Variants in AGTPBP1 observed in about 807,000 individuals in gnomAD.
AGTPBP1 encodes the protein cytosolic carboxypeptidase 1.
In AGTPBP1, 70 loss-of-function variants were observed where a neutral mutation model predicts 143.9. The ratio of observed to expected loss-of-function variants is 0.49; its 90% confidence interval spans 0.40 to 0.59. The LOEUF is 0.59. AGTPBP1 is among the 20% of genes least tolerant of loss of function. The pLI, the probability that AGTPBP1 is intolerant of heterozygous loss-of-function variation, is 0.00. For synonymous variants in AGTPBP1, 463 were observed against 500.2 expected (o/e 0.93, Z 0.99); for missense variants, 1,229 against 1,464.5 (o/e 0.84, Z 2.62).
At chr9:85,657,192 A>AT (rs1396415341) in intron 10 of AGTPBP1, among the ~76,000 whole-genome samples, 2,713 of 148,592 alleles carry the variant, frequency 0.018, 25 homozygotes, top group Middle Eastern at 0.052. Flanking sequence ...AATAAAAAAA[A>AT]AATAATACAA....
At chr9:85,727,055 T>C (rs1235482395) in intron 1 of AGTPBP1, among the ~76,000 whole-genome samples, 1 of 151,984 alleles carries the variant, frequency 6.6e-6, no homozygotes, top group Non-Finnish European at 1.5e-5. Context: ...TTCGGCCGGG[T>C]GTGGTGGCTC....
At chr9:85,563,657 A>G (rs1242668714) in intron 25 of AGTPBP1, among the ~76,000 whole-genome samples, 1 of 152,218 alleles carries the variant, frequency 6.6e-6, no homozygotes, top group Non-Finnish European at 1.5e-5. Flanking sequence ...GGGAGGAGAG[A>G]ATACCAAGGG....
rs1564034201 is a variant in AGTPBP1 at position 85,586,980 on chromosome 9, A to G, written c.2904-20T>C. 1.2e-6 allele frequency: 2 copies of G among 1,612,908 alleles called. No individual in the cohort carries two copies. The highest frequency in any genetic ancestry group is 1.3e-5 in the African/African-American group (1 of 74,884). On this transcript the variant is annotated intron_variant, in intron 21 of 25. Transcript: ENST00000357081. Reference sequence around the variant, plus strand: ...CGATGACTACATGTACATAAACACAAAGACAGAAAAACACTGGTACCCATA... The same window carrying G: ...CGATGACTACATGTACATAAACACAGAGACAGAAAAACACTGGTACCCATA...
In AGTPBP1 at chr9:85,655,674, A is replaced by G. The variant is rs1464365625; in HGVS notation, c.910-354T>C. Among the ~76,000 whole-genome samples the G allele has an allele frequency of 2.3e-5, 3 of 132,036 alleles. No homozygotes were observed. In the South Asian group the frequency reaches 7.5e-4, roughly 33 times the overall value. 86.6% of individuals were successfully genotyped at this position (132,036 alleles called of 152,430 possible). A position where few individuals can be genotyped will look rare whatever the true frequency, so the allele number is the denominator to read the frequency against. ...AAAGGATTAAGCAAGAAAATTTAAAAGGTGTAAGAAATTAAAAAACAAAAA... is the reference window on the plus strand; with the variant it reads ...AAAGGATTAAGCAAGAAAATTTAAAGGGTGTAAGAAATTAAAAAACAAAAA... On this transcript the variant is annotated intron_variant, in intron 10 of 25. Coordinates refer to ENST00000357081, the MANE Select transcript of AGTPBP1 (RefSeq NM_001330701.2).
intron 25 of AGTPBP1, among the ~76,000 whole-genome samples, chr9:85,559,701 C>T (rs1382411342): frequency 6.6e-6 from 1 of 152,184 alleles, no homozygotes; most frequent in African/African-American, 2.4e-5. Flanking sequence ...AGGACCTCAT[C>T]ATATGCTCAT....
intron 2 of AGTPBP1, among the ~76,000 whole-genome samples, chr9:85,706,769 G>A (rs1313719884): frequency 8.6e-5 from 13 of 151,902 alleles, no homozygotes; most frequent in South Asian, 8.3e-4. Context: ...CCAGCTACTC[G>A]GGAGGCTGAG....
At chr9:85,552,943 G>A (rs1826119140) in intron 25 of AGTPBP1, among the ~76,000 whole-genome samples, 1 of 152,182 alleles carries the variant, frequency 6.6e-6, no homozygotes, top group Non-Finnish European at 1.5e-5. Flanking sequence ...TGCTGATTGT[G>A]TCTGATTTTC....
At chr9:85,598,300 G>A (rs1411430526) in intron 17 of AGTPBP1, among the ~76,000 whole-genome samples, 1 of 152,090 alleles carries the variant, frequency 6.6e-6, no homozygotes, top group Non-Finnish European at 1.5e-5. Context: ...TAATTTGGAT[G>A]AGTTGCTGCC....
Position 85,575,391 on chromosome 9 carries a change from G to T in AGTPBP1, c.3427C>A (p.Pro1143Thr). ...CTGGAAGGCAGATTATACTCCAATGGAGAGGTCAGTCTTTTCAAACGTAAA... is the reference window on the plus strand; with the variant it reads ...CTGGAAGGCAGATTATACTCCAATGTAGAGGTCAGTCTTTTCAAACGTAAA... ...GLLRLKRLTS[P>T]LEYNLPSSLL... Residue 1143 changes from proline (P) to threonine (T), a missense_variant, in exon 25 of 26, where the codon CCA becomes ACA. Physicochemically the swap from Pro to Thr is conservative, Grantham distance 38. Coordinates refer to ENST00000357081, the MANE Select transcript of AGTPBP1 (RefSeq NM_001330701.2). 6.2e-7 allele frequency: 1 copy of T among 1,610,886 alleles called. No homozygotes were observed. The highest frequency in any genetic ancestry group is 1.3e-5 in the African/African-American group (1 of 74,896).
At chr9:85,582,679 C>T (rs540934072) in intron 23 of AGTPBP1, among the ~76,000 whole-genome samples, 1 of 144,310 alleles carries the variant, frequency 6.9e-6, no homozygotes, top group South Asian at 2.3e-4. Flanking sequence ...GACTCCATCT[C>T]AAAAAAAAAA....
rs1831883766 is a variant in AGTPBP1 at position 85,634,222 on chromosome 9, A to T, written c.1303-848T>A. ...AAAAAAAAAAAAAAAAAAAAGGAGG[A>T]CAGGACAGGCAGGATGTAATGTGGA... On this transcript the variant is annotated intron_variant, in intron 13 of 25. Coordinates refer to ENST00000357081, the MANE Select transcript of AGTPBP1 (RefSeq NM_001330701.2). 2.0e-5 allele frequency among the ~76,000 whole-genome samples: 3 copies of T among 146,822 alleles called. No homozygotes were observed. The South Asian group carries it at 6.5e-4, about 32-fold the overall frequency.
chr9:85,566,909 T>C (rs920067095), intron 25 of AGTPBP1, among the ~76,000 whole-genome samples: 4 of 152,222 alleles, frequency 2.6e-5, no homozygotes, highest in African/African-American at 4.8e-5. Context: ...CTAAAGACTT[T>C]ATAGCATTGC....
chr9:85,586,452 G>A lies in AGTPBP1; in HGVS notation c.3033+379C>T, dbSNP rs138145352. Among the ~76,000 whole-genome samples the A allele has an allele frequency of 1.1e-3, 175 of 152,214 alleles. 1 individual carries two copies. The highest frequency in any genetic ancestry group is 4.0e-3 in the African/African-American group (168 of 41,542). On this transcript the variant is annotated intron_variant, in intron 22 of 25. Coordinates refer to ENST00000357081, the MANE Select transcript of AGTPBP1 (RefSeq NM_001330701.2). ...AAAAGCTGGTGAGAACAGAAGGAGC[G>A]TATGTATACAGTCCAGTCCAGTCAT... is the stretch of plus-strand genomic sequence containing the variant.
intron 1 of AGTPBP1, among the ~76,000 whole-genome samples, chr9:85,739,468 G>A (rs1424284478): frequency 6.6e-6 from 1 of 152,036 alleles, no homozygotes; most frequent in Non-Finnish European, 1.5e-5. Context: ...CAGGACTTTG[G>A]GAGGCCGAGG....
At chr9:85,723,282 G>A (rs1054183882) in intron 1 of AGTPBP1, among the ~76,000 whole-genome samples, 37 of 152,246 alleles carry the variant, frequency 2.4e-4, no homozygotes, top group African/African-American at 8.9e-4. Flanking sequence ...CTGCCCAGAA[G>A]TGGAATCTAG....
intron 19 of AGTPBP1, among the ~76,000 whole-genome samples, chr9:85,590,138 A>G (rs1828863521): frequency 1.3e-5 from 2 of 152,132 alleles, no homozygotes; most frequent in South Asian, 2.1e-4. Flanking sequence ...AATTTTAACA[A>G]TTTATTTTCC....
At chr9:85,646,760 CT>C (rs148558591) in intron 11 of AGTPBP1, among the ~76,000 whole-genome samples, 2,547 of 152,232 alleles carry the variant, frequency 0.017, 25 homozygotes, top group Middle Eastern at 0.054. Context: ...AATTGACCCC[CT>C]ATTTGTTTCA....
chr9:85,701,957 A>G (rs376279853), intron 2 of AGTPBP1, among the ~76,000 whole-genome samples: 2 of 152,228 alleles, frequency 1.3e-5, no homozygotes, highest in African/African-American at 4.8e-5. Context: ...TTGAAGGTGA[A>G]CAGTCTTTGT....
At chr9:85,687,815 C>A (rs185093281) in intron 3 of AGTPBP1, among the ~76,000 whole-genome samples, 1 of 151,950 alleles carries the variant, frequency 6.6e-6, no homozygotes, top group African/African-American at 2.4e-5. Context: ...GGCGGCCAGG[C>A]GCGGTGGCTC....
Sources: gnomAD v4.1 joint callset for allele counts (sites outside exome capture counted in the v4.1 genomes callset) on GRCh38, gnomAD v4.1.1 for gene constraint, MANE v1.5 for transcripts, NCBI Gene and HGNC (gene_info 2026-07-23, HGNC 2026-07-21) for gene names.